Variants in HIF1AN observed in about 807,000 individuals in gnomAD.
HIF1AN encodes the protein hypoxia inducible factor 1 subunit alpha inhibitor.
Under a neutral mutation model 47.7 loss-of-function variants are expected in HIF1AN, and 21 were observed. The ratio of observed to expected loss-of-function variants is 0.44; its 90% CI spans 0.31 to 0.63. The LOEUF (loss-of-function observed/expected upper bound fraction) is 0.63, where lower values mean the gene tolerates loss of function less well. Ranked by LOEUF, HIF1AN falls within the 30% of genes least tolerant of loss-of-function variation. The probability of loss-of-function intolerance (pLI) is 0.07; values close to 1 mark genes in which losing one functional copy is unlikely to be tolerated. For missense variants in HIF1AN, 320 were observed against 432.7 expected (o/e 0.74, Z 2.31); for synonymous variants, 152 against 155.9 (o/e 0.98, Z 0.18).
At position 100,549,447 on chromosome 10, in the gene HIF1AN, T is replaced by G. The variant is rs1002373963; in HGVS notation, c.*1310T>G. On this transcript the variant is annotated 3_prime_UTR_variant, in exon 8 of 8. Transcript: ENST00000299163. Reference sequence around the variant, plus strand: ...CATAGGCTTGCGTCTTAAAGCCAGCTCCTCTGCCAGACCCCGTTGTAATGT... The same window carrying G: ...CATAGGCTTGCGTCTTAAAGCCAGCGCCTCTGCCAGACCCCGTTGTAATGT... 4.1e-4 allele frequency: 63 copies of G among 152,288 alleles called. No individual in the cohort carries two copies. The highest frequency in any genetic ancestry group is 1.5e-3 in the African/African-American group (62 of 41,538). 9.4% of individuals were successfully genotyped at this position (152,288 alleles called of 1,614,324 possible). A position where few individuals can be genotyped will look rare whatever the true frequency, so the allele number is the denominator to read the frequency against.
rs553002384 is a variant in HIF1AN, at chr10:100,548,851, A to G, written c.*714A>G. On this transcript the variant is annotated 3_prime_UTR_variant, in exon 8 of 8. Transcript: ENST00000299163. ...AAAAGGACCTTGGGACATAAGAACC[A>G]ATGATTGTGCATAAGTTCTAAATTA... is the stretch of plus-strand genomic sequence containing the variant. The G allele has an allele frequency of 6.5e-6, 1 of 152,762 alleles. No homozygotes were observed. The highest frequency in any genetic ancestry group is 1.5e-5 in the Non-Finnish European group (1 of 68,036). The allele number at this position is 152,762 out of a possible 1,614,324, so 9.5% of individuals were successfully genotyped here. A position where few individuals can be genotyped will look rare whatever the true frequency, so the allele number is the denominator to read the frequency against.
In HIF1AN at chr10:100,556,944, G is replaced by A. The variant is rs530307793; in HGVS notation, c.*8807G>A. 2 of 152,322 alleles carry A rather than the reference G, an allele frequency of 1.3e-5. No individual in the cohort carries two copies. The highest frequency in any genetic ancestry group is 4.1e-4 in the South Asian group (2 of 4,822). 9.4% of individuals were successfully genotyped at this position (152,322 alleles called of 1,614,324 possible). A position where few individuals can be genotyped will look rare whatever the true frequency, so the allele number is the denominator to read the frequency against. On this transcript the variant is annotated 3_prime_UTR_variant, in exon 8 of 8. Transcript: ENST00000299163. ...TGTCTGGAGAGACTACAGCAGCAAGGCTTTTCTGATCCTACTCTGACTCTC... is the reference window on the plus strand; with the variant it reads ...TGTCTGGAGAGACTACAGCAGCAAGACTTTTCTGATCCTACTCTGACTCTC...
At chr10:100,536,321 A>G in intron 1 of HIF1AN, 90 bp from the exon 2 acceptor site, 1 of 1,472,228 alleles carries the variant, frequency 6.8e-7, no homozygotes, top group Non-Finnish European at 9.3e-7. Flanking sequence ...ATTATTCTGA[A>G]GTTGAGAAGT....
Position 100,536,413 on chromosome 10 carries a change from G to T in HIF1AN, c.180G>T (p.Glu60Asp). 1 of 1,613,726 alleles carries T rather than the reference G, an allele frequency of 6.2e-7. No homozygotes were observed. The highest frequency in any genetic ancestry group is 1.1e-5 in the South Asian group (1 of 91,054). Residue 60 changes from glutamate (E) to aspartate (D), a missense_variant and splice_region_variant, in exon 2 of 8, where the codon GAG (glutamate) becomes GAT (aspartate). Around this residue, in one of 2 missense-constraint regions of HIF1AN, gnomAD observed 159 missense variants for 159.9 expected, o/e 0.99. Transcript: ENST00000299163. ...PRAEELIENE[E>D]PVVLTDTNLV... is the part of the protein sequence containing the mutation. Reference sequence around the variant, plus strand: ...TTTCACCTGTTGTTTTCATTTAGGAGCCTGTGGTGCTGACCGACACAAATC... The same window carrying T: ...TTTCACCTGTTGTTTTCATTTAGGATCCTGTGGTGCTGACCGACACAAATC...
intron 1 of HIF1AN, 126 bp from the exon 2 acceptor site, chr10:100,536,285 G>C (rs1852220030): frequency 7.4e-7 from 1 of 1,346,388 alleles, no homozygotes; most frequent in Non-Finnish European, 1.0e-6. Context: ...ACGGAACTTA[G>C]GGGTTCGTGC....
rs755407166 is a variant in HIF1AN at position 100,550,297 on chromosome 10, G to A, written c.*2160G>A. 6.6e-6 allele frequency: 1 copy of A among 152,222 alleles called. No homozygotes were observed. The highest frequency in any genetic ancestry group is 1.5e-5 in the Non-Finnish European group (1 of 68,044). The allele number at this position is 152,222 out of a possible 1,614,324, so 9.4% of individuals were successfully genotyped here. On this transcript the variant is annotated 3_prime_UTR_variant, in exon 8 of 8. Transcript: ENST00000299163. ...TCACAGGATTGGCCTTGATCCTTGG[G>A]TAACACAAGAGTGATTCCTGATTTT... is the stretch of plus-strand genomic sequence containing the variant.
At chr10:100,541,496 T>G (rs1420797432) in intron 3 of HIF1AN, among the ~76,000 whole-genome samples, 1 of 152,100 alleles carries the variant, frequency 6.6e-6, no homozygotes, top group East Asian at 1.9e-4. Flanking sequence ...TGTTTTTTTT[T>G]GTTGTTGTTG....
At chr10:100,542,889 GC>G (rs1843056699) in intron 3 of HIF1AN, among the ~76,000 whole-genome samples, 1 of 145,976 alleles carries the variant, frequency 6.9e-6, no homozygotes, top group Non-Finnish European at 1.5e-5. Flanking sequence ...GAAAGGAGAG[GC>G]CCTTAAACTC....
intron 4 of HIF1AN, 177 bp downstream of exon 4, chr10:100,545,273 G>A: frequency 1.7e-6 from 1 of 595,124 alleles, no homozygotes; most frequent in African/African-American, 1.9e-5. Context: ...TCCCTGGAGT[G>A]GCCACCAGAT....
chr10:100,545,136 T>G, intron 4 of HIF1AN, 40 bp downstream of exon 4: 1 of 1,593,310 alleles, frequency 6.3e-7, no homozygotes, highest in Non-Finnish European at 8.6e-7. Context: ...GAACTCTAGA[T>G]TCTAGTAATG....
chr10:100,555,515 T>C lies in HIF1AN; in HGVS notation c.*7378T>C, dbSNP rs1254012033. Reference sequence around the variant, plus strand: ...GGGTCTATCCCCACGCCCAGCCACCTCTCCTCCTCACTATAAGCCAAGTCT... The same window carrying C: ...GGGTCTATCCCCACGCCCAGCCACCCCTCCTCCTCACTATAAGCCAAGTCT... On this transcript the variant is annotated 3_prime_UTR_variant, in exon 8 of 8. Coordinates refer to ENST00000299163, the MANE Select transcript of HIF1AN (RefSeq NM_017902.3). The C allele has an allele frequency of 6.6e-6, 1 of 152,208 alleles. No individual in the cohort carries two copies. Among genetic ancestry groups the C allele is most frequent in the Non-Finnish European group, 1.5e-5 (1 of 68,078 alleles). The allele number at this position is 152,208 out of a possible 1,614,324, so 9.4% of individuals were successfully genotyped here. A position where few individuals can be genotyped will look rare whatever the true frequency, so the allele number is the denominator to read the frequency against.
In HIF1AN at chr10:100,553,493, G is replaced by A; in HGVS notation, c.*5356G>A. On this transcript the variant is annotated 3_prime_UTR_variant, in exon 8 of 8. Coordinates refer to ENST00000299163, the MANE Select transcript of HIF1AN (RefSeq NM_017902.3). ...GCTGGAGAGATGAGAGGACCTAGTGGTCAGCTTATACCCAGACTATCTCTC... is the reference window on the plus strand; with the variant it reads ...GCTGGAGAGATGAGAGGACCTAGTGATCAGCTTATACCCAGACTATCTCTC... 1 of 152,186 alleles carries A rather than the reference G, an allele frequency of 6.6e-6. No individual in the cohort carries two copies. Among genetic ancestry groups the A allele is most frequent in the East Asian group, 1.9e-4 (1 of 5,190 alleles). The allele number at this position is 152,186 out of a possible 1,614,324, so 9.4% of individuals were successfully genotyped here.
rs1252156750 is a variant in HIF1AN at position 100,549,063 on chromosome 10, T to TGTGTGC, written c.*927_*928insTGTGCG. 18 of 144,232 alleles carry TGTGTGC rather than the reference T, an allele frequency of 1.2e-4. No homozygotes were observed. Among genetic ancestry groups the TGTGTGC allele is most frequent in the African/African-American group, 5.3e-4 (18 of 34,198 alleles). The allele number at this position is 144,232 out of a possible 1,614,324, so 8.9% of individuals were successfully genotyped here. A position where few individuals can be genotyped will look rare whatever the true frequency, so the allele number is the denominator to read the frequency against. On this transcript the variant is annotated 3_prime_UTR_variant, in exon 8 of 8. Transcript: ENST00000299163. ...CTCTGGGTGTGTGTGTGTGTGTGCG[T>TGTGTGC]GCGTGTGTGTGTGTGTGTCCGTGTG...
chr10:100,542,077 A>G (rs1391958958), intron 3 of HIF1AN, among the ~76,000 whole-genome samples: 1 of 152,148 alleles, frequency 6.6e-6, no homozygotes, highest in East Asian at 1.9e-4. Context: ...AGGTGACAAA[A>G]GAAAAAAGTA....
chr10:100,536,368 G>A, intron 1 of HIF1AN, 43 bp from the exon 2 acceptor site: 2 of 1,605,136 alleles, frequency 1.2e-6, no homozygotes, highest in South Asian at 2.2e-5. Context: ...CGGCTCCTTG[G>A]CATTACTTCA....
At chr10:100,541,689 C>T (rs1364966534) in intron 3 of HIF1AN, among the ~76,000 whole-genome samples, 1 of 152,086 alleles carries the variant, frequency 6.6e-6, no homozygotes, top group African/African-American at 2.4e-5. Context: ...AAGCTAGTTT[C>T]GTGTATTCTA....
chr10:100,544,145 C>A (rs1843072550), intron 3 of HIF1AN, among the ~76,000 whole-genome samples: 1 of 152,340 alleles, frequency 6.6e-6, no homozygotes, highest in East Asian at 1.9e-4. Flanking sequence ...ATGGAACATA[C>A]ACTAGGGCAC....
chr10:100,540,017 A>G (rs917485496), intron 2 of HIF1AN, among the ~76,000 whole-genome samples: 3 of 151,834 alleles, frequency 2.0e-5, no homozygotes, highest in African/African-American at 4.8e-5. Context: ...TTATGTATTT[A>G]TATTTTTTGA....
chr10:100,546,066 G>A lies in HIF1AN; in HGVS notation c.830+17G>A, dbSNP rs1166257939. 1 of 1,537,392 alleles carries A rather than the reference G, an allele frequency of 6.5e-7. No homozygotes were observed. Among genetic ancestry groups the A allele is most frequent in the South Asian group, 1.1e-5 (1 of 87,800 alleles). ...AATGTACTGGTGAGAAGGGGGCTAG[G>A]GCTGGGGGCTTTTTGGGAGCTTTCT... On this transcript the variant is annotated intron_variant, in intron 5 of 7. Transcript: ENST00000299163.
Sources: allele counts gnomAD v4.1 joint callset (sites outside exome capture counted in the v4.1 genomes callset), GRCh38; gene constraint gnomAD v4.1.1; regional missense constraint gnomAD v4.1.1; transcripts MANE v1.5; gene names NCBI Gene and HGNC (gene_info 2026-07-23, HGNC 2026-07-21).